CPAP: variants seen among roughly 807,000 people sequenced by gnomAD.
The protein encoded by CPAP is centrosome assembly and centriole elongation protein.
At chr13:24,885,819 G>A in the CPAP span, 1 of 657,102 alleles carries the variant, frequency 1.5e-6, no homozygotes, top group Non-Finnish European at 2.7e-6. Flanking sequence ...TTACTAATTT[G>A]TAGTTCTCCG....
At chr13:24,913,091 C>T in the CPAP span, 2 of 1,419,846 alleles carry the variant, frequency 1.4e-6, no homozygotes, top group South Asian at 2.4e-5. Flanking sequence ...ATTTCCAACA[C>T]CTGTAGACAA....
At chr13:24,922,267 G>A in the CPAP span, among the ~76,000 whole-genome samples, 1 of 152,144 alleles carries the variant, frequency 6.6e-6, no homozygotes. Flanking sequence ...CAAATTCAAA[G>A]CCACTCTTAG....
At chr13:24,928,190 T>G in the CPAP span, among the ~76,000 whole-genome samples, 1 of 152,188 alleles carries the variant, frequency 6.6e-6, no homozygotes, top group Non-Finnish European at 1.5e-5. Flanking sequence ...TCTTAAACAC[T>G]GCATACCTGT....
At chr13:24,885,249 T>TTCA in the CPAP span, 1 of 1,394,672 alleles carries the variant, frequency 7.2e-7, no homozygotes, top group South Asian at 1.2e-5. Context: ...TTTTATAGAA[T>TTCA]TCATTATTTC....
chr13:24,896,983 C>CA, the CPAP span, among the ~76,000 whole-genome samples: 1 of 152,222 alleles, frequency 6.6e-6, no homozygotes, highest in Non-Finnish European at 1.5e-5. Context: ...AACTATAACT[C>CA]AGATTGTTTA....
the CPAP span, among the ~76,000 whole-genome samples, chr13:24,893,052 C>T: frequency 3.3e-5 from 5 of 152,168 alleles, no homozygotes; most frequent in East Asian, 5.8e-4. Flanking sequence ...AGAGTCTCAC[C>T]GCAGACCATC....
chr13:24,903,362 G>A, the CPAP span, among the ~76,000 whole-genome samples: 4 of 152,142 alleles, frequency 2.6e-5, no homozygotes, highest in African/African-American at 9.7e-5. Flanking sequence ...CTTAAAAGAG[G>A]CACCAAGACA....
At chr13:24,930,552 G>A in the CPAP span, among the ~76,000 whole-genome samples, 1 of 152,098 alleles carries the variant, frequency 6.6e-6, no homozygotes, top group Non-Finnish European at 1.5e-5. Flanking sequence ...TTACAAATTT[G>A]AACATGCAGT....
chr13:24,898,883 T>TTATAGTCTTTTA, the CPAP span, among the ~76,000 whole-genome samples: 7 of 152,374 alleles, frequency 4.6e-5, no homozygotes, highest in South Asian at 1.4e-3. Flanking sequence ...TCTTTTATAG[T>TTATAGTCTTTTA]TAGTTGTGTC....
At chr13:24,892,524 T>A in the CPAP span, 12 of 793,044 alleles carry the variant, frequency 1.5e-5, no homozygotes, top group Non-Finnish European at 2.4e-5. Flanking sequence ...TCACAGTCAC[T>A]CCCCACTGCC....
chr13:24,896,540 C>T, the CPAP span, among the ~76,000 whole-genome samples: 3 of 152,226 alleles, frequency 2.0e-5, no homozygotes, highest in African/African-American at 7.2e-5. Context: ...GCAGCCTGGA[C>T]TGCAGAGCCT....
the CPAP span, among the ~76,000 whole-genome samples, chr13:24,924,513 C>T: frequency 6.6e-6 from 1 of 152,192 alleles, no homozygotes; most frequent in East Asian, 1.9e-4. Flanking sequence ...TCAAAACTGC[C>T]CACTAAGCTT....
At chr13:24,898,522 A>G in the CPAP span, among the ~76,000 whole-genome samples, 3,029 of 152,318 alleles carry the variant, frequency 0.02, 112 homozygotes, top group African/African-American at 0.069. Context: ...ATATATTTAT[A>G]TTACCTTTTG....
At chr13:24,892,626 C>A in the CPAP span, 1 of 1,604,258 alleles carries the variant, frequency 6.2e-7, no homozygotes, top group Non-Finnish European at 8.5e-7. Flanking sequence ...ACACAACCCA[C>A]CCGCCTCCCT....
the CPAP span, chr13:24,925,852 A>ACCAGGAGCTGACCTTTGATCATCCACATG: frequency 6.6e-6 from 1 of 152,664 alleles, no homozygotes; most frequent in African/African-American, 2.4e-5. Context: ...ACTTACATTG[A>ACCAGGAGCTGACCTTTGATCATCCACATG]CCAGGAGCTG....
At chr13:24,909,777 A>G in the CPAP span, 11 of 1,607,012 alleles carry the variant, frequency 6.8e-6, no homozygotes, top group East Asian at 2.2e-5. Flanking sequence ...AGAGAGAAAC[A>G]TAAGTAGCTC....
At chr13:24,912,615 A>C in the CPAP span, 2 of 1,613,784 alleles carry the variant, frequency 1.2e-6, no homozygotes, top group Non-Finnish European at 1.7e-6. Flanking sequence ...GGTCTTTATA[A>C]GCCCCTTCTT....
At chr13:24,912,526 A>T in the CPAP span, 1 of 1,408,220 alleles carries the variant, frequency 7.1e-7, no homozygotes, top group Non-Finnish European at 1.0e-6. Flanking sequence ...TGACTTTATT[A>T]CATAAACAGA....
the CPAP span, among the ~76,000 whole-genome samples, chr13:24,903,572 A>G: frequency 6.6e-6 from 1 of 152,246 alleles, no homozygotes; most frequent in Non-Finnish European, 1.5e-5. Flanking sequence ...CAGAATCACA[A>G]GAAAATACAT....
Sources: allele counts gnomAD v4.1 joint callset (sites outside exome capture counted in the v4.1 genomes callset), GRCh38; gene constraint gnomAD v4.1.1; transcripts MANE v1.5; gene names NCBI Gene and HGNC (gene_info 2026-07-23, HGNC 2026-07-21).